The following OGDH variants were observed in gnomAD, a reference collection of about 807,000 sequenced individuals.
OGDH encodes 2-oxoglutarate dehydrogenase complex component E1.
In OGDH, 38 loss-of-function variants were observed where a neutral mutation model predicts 116.6. The observed-to-expected ratio is 0.33, with a 90% CI of 0.25 to 0.43. The LOEUF (loss-of-function observed/expected upper bound fraction) is 0.43, where lower values mean the gene tolerates loss of function less well. Among genes scored for constraint, OGDH ranks in the 20% least tolerant of loss-of-function variants. OGDH has a pLI of 1.00. For synonymous variants in OGDH, 488 were observed against 533.3 expected, an observed-to-expected ratio of 0.92 and a Z score of 1.17; for missense variants, 825 against 1,357.2, an observed-to-expected ratio of 0.61 and a Z score of 6.16.
intron 3 of OGDH, among the ~76,000 whole-genome samples, chr7:44,647,225 A>G (rs1290799987): frequency 6.6e-6 from 1 of 152,276 alleles, no homozygotes; most frequent in Admixed American, 6.5e-5. Flanking sequence ...TCCTAAGTTT[A>G]TCATAACCTG....
intron 9 of OGDH, among the ~76,000 whole-genome samples, chr7:44,681,509 A>T (rs1219874158): frequency 2.0e-5 from 3 of 152,224 alleles, no homozygotes; most frequent in Admixed American, 2.0e-4. Flanking sequence ...AGAACAGATG[A>T]TGATGGCAGG....
intron 5 of OGDH, among the ~76,000 whole-genome samples, chr7:44,672,588 C>A (rs574902596): frequency 6.6e-6 from 1 of 151,966 alleles, no homozygotes; most frequent in East Asian, 1.9e-4. Flanking sequence ...GAGTTTTGGG[C>A]CTCTGCAGGA....
intron 9 of OGDH, among the ~76,000 whole-genome samples, chr7:44,677,806 G>A (rs554599012): frequency 3.3e-5 from 5 of 151,774 alleles, no homozygotes; most frequent in East Asian, 1.9e-4. Flanking sequence ...CCTGGGAGGC[G>A]GAGGTTGCAG....
chr7:44,694,212 G>A lies in OGDH; in HGVS notation c.1515+208G>A, dbSNP rs1444577906. On this transcript the variant is annotated intron_variant, in intron 11 of 22. Coordinates refer to ENST00000222673, the MANE Select transcript of OGDH (RefSeq NM_002541.4). The surrounding 1 kb of genome is among the most constrained non-coding windows in gnomAD (Gnocchi z 4.2). ...ATGCTTCCCAGGCAGGAGCTGTGGT[G>A]GTGAGGAGGGCCACTCCTCATTGAC... 6.6e-5 allele frequency among the ~76,000 whole-genome samples: 10 copies of A among 152,240 alleles called. No homozygotes were observed. In the East Asian group the frequency reaches 7.7e-4, roughly 12 times the overall value.
intron 5 of OGDH, among the ~76,000 whole-genome samples, chr7:44,671,885 T>C (rs1194996381): frequency 4.0e-5 from 6 of 149,436 alleles, no homozygotes; most frequent in Non-Finnish European, 5.9e-5. Flanking sequence ...ATGGCTAACA[T>C]GGTGAAACCC....
At chr7:44,628,464 CTT>C (rs141614193) in intron 2 of OGDH, among the ~76,000 whole-genome samples, 1 of 149,536 alleles carries the variant, frequency 6.7e-6, no homozygotes, top group African/African-American at 2.5e-5. Context: ...TAATTAAAAA[CTT>C]TTTTTTAATG....
At chr7:44,682,713 CATG>C (rs1164593632) in intron 10 of OGDH, among the ~76,000 whole-genome samples, 1 of 151,910 alleles carries the variant, frequency 6.6e-6, no homozygotes, top group East Asian at 1.9e-4. Context: ...AAAAATTAGG[CATG>C]GTGGTGCATG....
At position 44,696,973 on chromosome 7, in the gene OGDH, G is replaced by A; in HGVS notation, c.1960G>A (p.Ala654Thr). ...GGTGAAGAACCGGACTGTGGACTGG[G>A]CTCTAGCGGAGTACATGGCGTTTGG... Reference protein sequence around the residue: ...EMVKNRTVDWALAEYMAFGSL... With the variant: ...EMVKNRTVDWTLAEYMAFGSL... Residue 654 changes from alanine (A) to threonine (T), a missense_variant, in exon 15 of 23, where the codon GCT becomes ACT. This residue lies in a region of OGDH where 92 missense variants were observed against 129.7 expected (regional missense o/e 0.71). Coordinates refer to ENST00000222673, the MANE Select transcript of OGDH (RefSeq NM_002541.4). 1 of 1,614,260 alleles carries A rather than the reference G, an allele frequency of 6.2e-7. No individual in the cohort carries two copies. The highest frequency in any genetic ancestry group is 8.5e-7 in the Non-Finnish European group (1 of 1,180,048).
chr7:44,624,563 A>G lies in OGDH; in HGVS notation c.220A>G (p.Lys74Glu). ...GCTGGAAAACCCCAAAAGTGTACATAAGGTAAGGCTCGCAGGGCTGTGGGT... is the reference window on the plus strand; with the variant it reads ...GCTGGAAAACCCCAAAAGTGTACATGAGGTAAGGCTCGCAGGGCTGTGGGT... ...AWLENPKSVH[K>E]SWDIFFRNTN... Residue 74 changes from lysine (K) to glutamate (E), a missense_variant and splice_region_variant, in exon 2 of 23, where the codon AAG (lysine) becomes GAG (glutamate). Around this residue, in one of 7 missense-constraint regions of OGDH, gnomAD observed 126 missense variants for 130.4 expected, o/e 0.97. Transcript: ENST00000222673. 6.2e-7 allele frequency: 1 copy of G among 1,612,970 alleles called. No individual in the cohort carries two copies. Among genetic ancestry groups the G allele is most frequent in the South Asian group, 1.1e-5 (1 of 91,030 alleles).
chr7:44,629,261 T>A (rs1386146423), intron 2 of OGDH, among the ~76,000 whole-genome samples: 1 of 152,344 alleles, frequency 6.6e-6, no homozygotes, highest in East Asian at 1.9e-4. Context: ...AGCATGGTGT[T>A]GAGTTCCTTG....
chr7:44,701,750 C>T (rs770743690), intron 20 of OGDH, 135 bp downstream of exon 20: 2 of 839,018 alleles, frequency 2.4e-6, no homozygotes, highest in East Asian at 5.3e-5. Flanking sequence ...TTGTAAAGAC[C>T]CGTGATACAT....
chr7:44,609,267 G>A (rs1159298264), intron 1 of OGDH, among the ~76,000 whole-genome samples: 6 of 150,620 alleles, frequency 4.0e-5, no homozygotes, highest in African/African-American at 2.4e-5. Flanking sequence ...GCAACTTTGG[G>A]AGGCTGAGGC....
chr7:44,622,329 C>T (rs1362383544), intron 1 of OGDH, among the ~76,000 whole-genome samples: 1 of 152,132 alleles, frequency 6.6e-6, no homozygotes, highest in Non-Finnish European at 1.5e-5. Flanking sequence ...GTAGGAAGAA[C>T]TACCGAATTA....
intron 19 of OGDH, among the ~76,000 whole-genome samples, chr7:44,700,547 G>C (rs1388875550): frequency 6.6e-6 from 1 of 152,218 alleles, no homozygotes; most frequent in Non-Finnish European, 1.5e-5. Context: ...CAGCCCGGTG[G>C]GGAGGACGGA....
At chr7:44,706,952 G>C (rs1312729485) in intron 20 of OGDH, among the ~76,000 whole-genome samples, 19 of 152,150 alleles carry the variant, frequency 1.2e-4, no homozygotes, top group Admixed American at 1.2e-3. Flanking sequence ...TCTTGTCCCC[G>C]AAGTCTGAGC....
intron 4 of OGDH, among the ~76,000 whole-genome samples, chr7:44,651,213 C>T (rs1786426366): frequency 6.6e-6 from 1 of 152,200 alleles, no homozygotes; most frequent in Non-Finnish European, 1.5e-5. Flanking sequence ...GAATTCTGTC[C>T]ACTCTGAGTT....
chr7:44,611,354 C>T (rs906978463), intron 1 of OGDH, among the ~76,000 whole-genome samples: 14 of 152,074 alleles, frequency 9.2e-5, no homozygotes, highest in Admixed American at 7.2e-4. Context: ...CTGCAACCTC[C>T]GCCTTCCGGG....
chr7:44,621,261 A>G (rs1784998064), intron 1 of OGDH, among the ~76,000 whole-genome samples: 1 of 151,968 alleles, frequency 6.6e-6, no homozygotes, highest in Non-Finnish European at 1.5e-5. Flanking sequence ...TTTTGTGGAG[A>G]TGTGGTTTCA....
chr7:44,661,812 C>T (rs1282505928), intron 4 of OGDH, among the ~76,000 whole-genome samples: 1 of 152,144 alleles, frequency 6.6e-6, no homozygotes, highest in Non-Finnish European at 1.5e-5. Flanking sequence ...CCATGTTGGC[C>T]AGGCTGGTCT....
Sources: allele counts gnomAD v4.1 joint callset (sites outside exome capture counted in the v4.1 genomes callset), GRCh38; gene constraint gnomAD v4.1.1; regional missense constraint gnomAD v4.1.1; non-coding constraint Gnocchi (gnomAD v3.1); transcripts MANE v1.5; gene names NCBI Gene and HGNC (gene_info 2026-07-23, HGNC 2026-07-21).